The following RPF2 variants were observed in gnomAD, a reference collection of about 807,000 sequenced individuals.
RPF2 encodes the protein brix domain containing 1.
In RPF2, 21 loss-of-function variants were observed where a neutral mutation model predicts 38.9. The ratio of observed to expected loss-of-function variants is 0.54; its 90% confidence interval spans 0.38 to 0.78. The LOEUF is 0.78. Ranked by LOEUF, RPF2 falls within the 30% of genes least tolerant of loss-of-function variation. RPF2 has a pLI of 0.00. For missense variants in RPF2, 314 were observed against 358.1 expected, an observed-to-expected ratio of 0.88 and a Z score of 0.99; for synonymous variants, 121 against 126.2, an observed-to-expected ratio of 0.96 and a Z score of 0.28.
At position 111,016,607 on chromosome 6, in the gene RPF2, C is replaced by CA. The variant is rs138978922; in HGVS notation, c.596+757dup. ...GTGAGGGCGCTGAAAAAACAAAAAA[C>CA]AAAAAACTCTTAAGCAGATTCTATG... On this transcript the variant is annotated intron_variant, in intron 8 of 9. Coordinates refer to ENST00000441448, the MANE Select transcript of RPF2 (RefSeq NM_032194.3). 3.5e-5 allele frequency among the ~76,000 whole-genome samples: 5 copies of CA among 143,046 alleles called. 1 individual carries two copies. Among genetic ancestry groups the CA allele is most frequent in the African/African-American group, 5.2e-5 (2 of 38,288 alleles). The allele number at this position is 143,046 out of a possible 152,430, so 93.8% of individuals were successfully genotyped here.
Position 111,005,163 on chromosome 6 carries a change from A to AC in RPF2, c.394-2873dup, listed in dbSNP as rs543119716. Among the ~76,000 whole-genome samples, 16 of 152,300 alleles carry AC rather than the reference A, an allele frequency of 1.1e-4. No homozygotes were observed. In the East Asian group the frequency reaches 3.1e-3, roughly 29 times the overall value. On this transcript the variant is annotated intron_variant, in intron 6 of 9. Coordinates refer to ENST00000441448, the MANE Select transcript of RPF2 (RefSeq NM_032194.3). ...GCACATCTCCATCTCCTAAGTATAG[A>AC]CCGTTAAGGTTCCGGGTTTGGAAGT...
chr6:111,018,085 C>T lies in RPF2; in HGVS notation c.596+2229C>T, dbSNP rs993217069. On this transcript the variant is annotated intron_variant, in intron 8 of 9. Coordinates refer to ENST00000441448, the MANE Select transcript of RPF2 (RefSeq NM_032194.3). ...AAAACCAGTCAGGCGTGGCGGCGCG[C>T]GCCTGCAGTCGCAGGCACTCGGCAG... Among the ~76,000 whole-genome samples the T allele has an allele frequency of 4.8e-3, 731 of 152,036 alleles. 4 individuals are homozygous for T. Among genetic ancestry groups the T allele is most frequent in the Middle Eastern group, 0.034 (10 of 290 alleles).
chr6:111,009,691 A>ATGAGCG (rs1354839837), intron 7 of RPF2, among the ~76,000 whole-genome samples: 2 of 152,028 alleles, frequency 1.3e-5, no homozygotes, highest in African/African-American at 4.8e-5. Flanking sequence ...TTTCTCCTTT[A>ATGAGCG]TGAGGCAAGT....
chr6:110,996,735 CT>C (rs1160053195), intron 4 of RPF2, among the ~76,000 whole-genome samples: 1 of 152,116 alleles, frequency 6.6e-6, no homozygotes, highest in African/African-American at 2.4e-5. Flanking sequence ...CTGTATTTTT[CT>C]TTCTGGTTCA....
chr6:110,985,683 T>C (rs1322893276), intron 2 of RPF2, among the ~76,000 whole-genome samples: 1 of 151,982 alleles, frequency 6.6e-6, no homozygotes, highest in African/African-American at 2.4e-5. Flanking sequence ...TTCACGCCTG[T>C]AATCCCAGCA....
Position 111,018,197 on chromosome 6 carries a change from AC to A in RPF2, c.596+2343del, listed in dbSNP as rs1435868135. 1.3e-4 allele frequency among the ~76,000 whole-genome samples: 14 copies of A among 109,970 alleles called. No individual in the cohort carries two copies. The East Asian group carries it at 1.4e-3, about 11-fold the overall frequency. 72.1% of individuals were successfully genotyped at this position (109,970 alleles called of 152,430 possible). On this transcript the variant is annotated intron_variant, in intron 8 of 9. Transcript: ENST00000441448. ...AGCTTCGGCTCGGCATCAGGGGGAG[AC>A]CGGGGAGGGGGAGGGGGAGGGAGAG...
intron 3 of RPF2, 57 bp downstream of exon 3, chr6:110,989,122 A>G: frequency 1.4e-6 from 2 of 1,438,094 alleles, no homozygotes; most frequent in Non-Finnish European, 1.8e-6. Context: ...TATAAAAGTA[A>G]CCACTTTATG....
chr6:110,984,541 C>T (rs903990718), intron 1 of RPF2, among the ~76,000 whole-genome samples: 4 of 151,984 alleles, frequency 2.6e-5, no homozygotes, highest in Non-Finnish European at 4.4e-5. Context: ...CTAATATCTA[C>T]CAAAAAAGTG....
intron 2 of RPF2, among the ~76,000 whole-genome samples, chr6:110,988,288 T>A (rs1473376426): frequency 6.6e-6 from 1 of 152,206 alleles, no homozygotes. Context: ...ATAATAGGCA[T>A]TTTTTAAAGA....
intron 5 of RPF2, among the ~76,000 whole-genome samples, chr6:110,999,194 T>C (rs750083774): frequency 5.2e-4 from 79 of 152,104 alleles, no homozygotes; most frequent in Admixed American, 1.2e-3. Context: ...CACAATTACT[T>C]TATACTTGCA....
intron 5 of RPF2, 108 bp downstream of exon 5, chr6:110,997,372 T>C: frequency 1.5e-6 from 1 of 675,124 alleles, no homozygotes. Context: ...TCAGAGGAAA[T>C]AATTCATCCA....
intron 3 of RPF2, among the ~76,000 whole-genome samples, chr6:110,989,704 C>T (rs987693914): frequency 6.6e-6 from 1 of 150,772 alleles, no homozygotes; most frequent in Non-Finnish European, 1.5e-5. Flanking sequence ...CGCCTCGCTG[C>T]AACCTCTGAC....
intron 8 of RPF2, among the ~76,000 whole-genome samples, chr6:111,016,332 C>T (rs925972253): frequency 2.0e-5 from 3 of 152,168 alleles, no homozygotes; most frequent in Non-Finnish European, 4.4e-5. Context: ...GTGGCTCACA[C>T]CTGTAATCTC....
chr6:111,018,868 T>G (rs1453678063), intron 8 of RPF2, among the ~76,000 whole-genome samples: 2 of 152,174 alleles, frequency 1.3e-5, no homozygotes, highest in Non-Finnish European at 2.9e-5. Flanking sequence ...TACTATACAG[T>G]AGATGACTGT....
intron 3 of RPF2, among the ~76,000 whole-genome samples, chr6:110,991,075 C>T (rs976704000): frequency 7.9e-5 from 12 of 152,174 alleles, no homozygotes; most frequent in Non-Finnish European, 1.5e-4. Flanking sequence ...TGGGTATGCT[C>T]GTCTCTTACA....
At chr6:110,989,490 C>T (rs1443326609) in intron 3 of RPF2, among the ~76,000 whole-genome samples, 13 of 152,124 alleles carry the variant, frequency 8.5e-5, no homozygotes, top group African/African-American at 2.7e-4. Context: ...GTCCTGTTGT[C>T]GCCCGGCTGG....
chr6:111,024,136 C>T (rs1772281445), intron 8 of RPF2, 47 bp from the exon 9 acceptor site: 1 of 1,523,412 alleles, frequency 6.6e-7, no homozygotes, highest in African/African-American at 1.4e-5. Context: ...GTGGAGAGGA[C>T]TTTTATGAAA....
At position 110,993,916 on chromosome 6, in the gene RPF2, T is replaced by A. The variant is rs374301930; in HGVS notation, c.234+2130T>A. Reference sequence around the variant, plus strand: ...CTTTAGAGAGGGGTTGGCAAAAATATACTGCTTGCAGATCAAATCCCTCTT... The same window carrying A: ...CTTTAGAGAGGGGTTGGCAAAAATAAACTGCTTGCAGATCAAATCCCTCTT... On this transcript the variant is annotated intron_variant, in intron 4 of 9. Coordinates refer to ENST00000441448, the MANE Select transcript of RPF2 (RefSeq NM_032194.3). Among the ~76,000 whole-genome samples, 4 of 152,190 alleles carry A rather than the reference T, an allele frequency of 2.6e-5. No homozygotes were observed. In the South Asian group the frequency reaches 8.3e-4, roughly 31 times the overall value.
At chr6:111,024,093 G>A (rs1772280489) in intron 8 of RPF2, 90 bp from the exon 9 acceptor site, 1 of 1,100,426 alleles carries the variant, frequency 9.1e-7, no homozygotes, top group African/African-American at 1.6e-5. Context: ...ATCATTTAAT[G>A]GAATTGTAAA....
Sources: gnomAD v4.1 joint callset for allele counts (sites outside exome capture counted in the v4.1 genomes callset) on GRCh38, gnomAD v4.1.1 for gene constraint, MANE v1.5 for transcripts, NCBI Gene and HGNC (gene_info 2026-07-23, HGNC 2026-07-21) for gene names.